The following RBL1 variants were observed in gnomAD, a reference collection of about 807,000 sequenced individuals.
RBL1 encodes the protein RB transcriptional corepressor like 1.
RBL1 carries 82 observed loss-of-function variants against 123.0 expected under a neutral mutation model. The ratio of observed to expected loss-of-function variants is 0.67; its 90% CI spans 0.56 to 0.80. The LOEUF (loss-of-function observed/expected upper bound fraction) is 0.80, where lower values mean the gene tolerates loss of function less well. Among genes scored for constraint, RBL1 ranks in the 30% least tolerant of loss-of-function variants. The pLI is 0.00. For synonymous variants in RBL1, 405 were observed against 441.3 expected, an observed-to-expected ratio of 0.92 and a Z score of 1.03; for missense variants, 1,171 against 1,299.6, an observed-to-expected ratio of 0.90 and a Z score of 1.52.
intron 2 of RBL1, among the ~76,000 whole-genome samples, chr20:37,084,759 GTA>G (rs2065513509): frequency 6.6e-6 from 1 of 152,074 alleles, no homozygotes; most frequent in Non-Finnish European, 1.5e-5. Context: ...TTATATATTT[GTA>G]CATAGGAAGA....
chr20:37,068,897 G>A (rs796358846), intron 2 of RBL1, among the ~76,000 whole-genome samples: 18 of 152,306 alleles, frequency 1.2e-4, no homozygotes, highest in African/African-American at 4.3e-4. Flanking sequence ...CTCTCATGCT[G>A]AGCCGAAGCT....
chr20:37,042,174 G>A (rs1324135056), intron 13 of RBL1, among the ~76,000 whole-genome samples: 2 of 151,368 alleles, frequency 1.3e-5, no homozygotes, highest in African/African-American at 4.9e-5. Context: ...TAGAATAGAT[G>A]AAGAACTCCT....
intron 9 of RBL1, 25 bp from the exon 10 acceptor site, chr20:37,056,283 T>TACCAA: frequency 6.5e-7 from 1 of 1,541,336 alleles, no homozygotes; most frequent in Non-Finnish European, 8.7e-7. Flanking sequence ...AGGAACCAAT[T>TACCAA]ACCAAACCAA....
At chr20:37,067,631 G>A (rs1031860183) in intron 3 of RBL1, among the ~76,000 whole-genome samples, 1 of 151,658 alleles carries the variant, frequency 6.6e-6, no homozygotes, top group East Asian at 1.9e-4. Flanking sequence ...TGAGCCAGAC[G>A]GGGTGGTGCA....
intron 2 of RBL1, among the ~76,000 whole-genome samples, chr20:37,086,559 A>T (rs1028368624): frequency 2.6e-5 from 4 of 152,192 alleles, no homozygotes; most frequent in African/African-American, 7.2e-5. Context: ...AAAATAAAAA[A>T]AAATTTAAAT....
At chr20:37,019,186 G>A (rs2064303007) in intron 18 of RBL1, among the ~76,000 whole-genome samples, 1 of 152,032 alleles carries the variant, frequency 6.6e-6, no homozygotes, top group Non-Finnish European at 1.5e-5. Flanking sequence ...TGGGATTACA[G>A]GCGTGAGCCA....
At chr20:37,011,988 C>G (rs79698631) in intron 19 of RBL1, among the ~76,000 whole-genome samples, 3 of 152,228 alleles carry the variant, frequency 2.0e-5, no homozygotes, top group Non-Finnish European at 2.9e-5. Flanking sequence ...TCAGCCTGCC[C>G]AGTGCCTGCG....
chr20:36,998,801 C>T lies in RBL1; in HGVS notation c.3165G>A (p.Leu1055=). The change falls in exon 22 of 22, where the codon CTG becomes CTA. Residue 1055 remains leucine (L), a synonymous_variant. Coordinates refer to ENST00000373664, the MANE Select transcript of RBL1 (RefSeq NM_002895.5). ...CACTGACAACATCCTGTAGTCGTTT[C>T]AGTAAAACGTCATCATTTTCTTGAC... ...RVCQENDDVL[L]KRLQDVVSER... 6.2e-7 allele frequency: 1 copy of T among 1,613,598 alleles called. No homozygotes were observed. The highest frequency in any genetic ancestry group is 1.1e-5 in the South Asian group (1 of 91,006).
At chr20:37,065,025 A>G (rs1358104288) in intron 7 of RBL1, among the ~76,000 whole-genome samples, 1 of 149,712 alleles carries the variant, frequency 6.7e-6, no homozygotes, top group Admixed American at 6.7e-5. Context: ...ACAACCTCCC[A>G]GATTCAAACG....
chr20:37,008,950 G>A (rs564077848), intron 19 of RBL1, among the ~76,000 whole-genome samples: 37 of 151,440 alleles, frequency 2.4e-4, no homozygotes, highest in African/African-American at 8.7e-4. Context: ...TGCAGTTGGG[G>A]AAAAAAAATA....
Position 37,007,331 on chromosome 20 carries a change from A to G in RBL1, c.2871+80T>C, listed in dbSNP as rs1600446961. On this transcript the variant is annotated intron_variant, in intron 20 of 21. Transcript: ENST00000373664. Reference sequence around the variant, plus strand: ...TAATTGCTAGTAATTTTACTTGGACATATTTATCTAGCAAAATAAACTTAT... The same window carrying G: ...TAATTGCTAGTAATTTTACTTGGACGTATTTATCTAGCAAAATAAACTTAT... The G allele has an allele frequency of 4.8e-6, 7 of 1,461,488 alleles. No homozygotes were observed. The East Asian group carries it at 1.6e-4, about 33-fold the overall frequency. The allele number at this position is 1,461,488 out of a possible 1,614,324, so 90.5% of individuals were successfully genotyped here. A position where few individuals can be genotyped will look rare whatever the true frequency, so the allele number is the denominator to read the frequency against.
chr20:37,025,617 G>T (rs2064406708), intron 16 of RBL1, among the ~76,000 whole-genome samples: 1 of 152,186 alleles, frequency 6.6e-6, no homozygotes, highest in African/African-American at 2.4e-5. Flanking sequence ...TTCTGAAGGT[G>T]AGGAGGCATG....
At chr20:37,052,804 C>A (rs1481953009) in intron 11 of RBL1, among the ~76,000 whole-genome samples, 3 of 152,068 alleles carry the variant, frequency 2.0e-5, no homozygotes, top group Non-Finnish European at 2.9e-5. Context: ...GCTACCATGC[C>A]CAGCCTTTTA....
At chr20:37,000,403 T>G in intron 21 of RBL1, among the ~76,000 whole-genome samples, 1 of 107,960 alleles carries the variant, frequency 9.3e-6, no homozygotes, top group African/African-American at 3.0e-5. Flanking sequence ...AGCCGCCCCA[T>G]CCAGGAGGGA....
At chr20:37,013,184 G>T (rs924106128) in intron 19 of RBL1, among the ~76,000 whole-genome samples, 2 of 152,232 alleles carry the variant, frequency 1.3e-5, no homozygotes, top group African/African-American at 4.8e-5. Flanking sequence ...AAATCGGATG[G>T]TTGCCGTGTC....
chr20:37,040,024 G>A, intron 14 of RBL1, 129 bp downstream of exon 14: 6 of 1,255,532 alleles, frequency 4.8e-6, no homozygotes, highest in Non-Finnish European at 6.7e-6. Flanking sequence ...CAAGCATCAA[G>A]CTCCTTTTCG....
chr20:37,035,619 T>A, intron 14 of RBL1, 111 bp from the exon 15 acceptor site: 1 of 926,670 alleles, frequency 1.1e-6, no homozygotes, highest in East Asian at 2.7e-5. Flanking sequence ...TAGCTAGATA[T>A]GAATAACATG....
chr20:37,048,681 C>T lies in RBL1; in HGVS notation c.1468-1491G>A, dbSNP rs574442313. ...TGCCTCATTCACAGAGCTTTGAACA[C>T]GTTTTTAGTGTCTCATTCAAATTTA... On this transcript the variant is annotated intron_variant, in intron 11 of 21. Transcript: ENST00000373664. Among the ~76,000 whole-genome samples, 67 of 152,228 alleles carry T rather than the reference C, an allele frequency of 4.4e-4. 1 individual carries two copies. The highest frequency in any genetic ancestry group is 7.5e-4 in the Non-Finnish European group (51 of 68,004).
At chr20:37,053,086 C>T (rs2064944928) in intron 11 of RBL1, among the ~76,000 whole-genome samples, 1 of 152,200 alleles carries the variant, frequency 6.6e-6, no homozygotes, top group South Asian at 2.1e-4. Context: ...AATCTACAAT[C>T]ATACATGGAC....
Sources: gnomAD v4.1 joint callset for allele counts (sites outside exome capture counted in the v4.1 genomes callset) on GRCh38, gnomAD v4.1.1 for gene constraint, MANE v1.5 for transcripts, NCBI Gene and HGNC (gene_info 2026-07-23, HGNC 2026-07-21) for gene names.